Variants in TMEM132B observed in about 807,000 individuals in gnomAD.
TMEM132B encodes transmembrane protein 132B.
Under a neutral mutation model 90.8 loss-of-function variants are expected in TMEM132B, and 18 were observed. The observed-to-expected ratio is 0.20, with a 90% CI of 0.14 to 0.29. The LOEUF (loss-of-function observed/expected upper bound fraction) is 0.29, where lower values mean the gene tolerates loss of function less well. Among genes scored for constraint, TMEM132B ranks in the 10% least tolerant of loss-of-function variants. TMEM132B has a pLI of 1.00. For synonymous variants in TMEM132B, 504 were observed against 523.3 expected, an observed-to-expected ratio of 0.96 and a Z score of 0.50; for missense variants, 1,096 against 1,326.8, an observed-to-expected ratio of 0.83 and a Z score of 2.70.
At position 125,496,297 on chromosome 12, in the gene TMEM132B, G is replaced by A. The variant is rs1032910380; in HGVS notation, c.1107-23142G>A. ...TTCTGGAAAGATTAGGCTACCAATG[G>A]AAGAAAGTACTAGGCTTTAAGAAAG... is the stretch of plus-strand genomic sequence containing the variant. On this transcript the variant is annotated intron_variant, in intron 3 of 8. Transcript: ENST00000682704. Among the ~76,000 whole-genome samples, 10 of 152,106 alleles carry A rather than the reference G, an allele frequency of 6.6e-5. No individual in the cohort carries two copies. The South Asian group carries it at 1.2e-3, about 19-fold the overall frequency.
At chr12:125,229,327 A>G (rs1565979448) in intron 1 of TMEM132B, among the ~76,000 whole-genome samples, 1 of 152,148 alleles carries the variant, frequency 6.6e-6, no homozygotes, top group Non-Finnish European at 1.5e-5. Context: ...GCACTTTACT[A>G]CATTAGAGCA....
At chr12:125,624,382 A>G (rs1886179946) in intron 5 of TMEM132B, among the ~76,000 whole-genome samples, 1 of 152,136 alleles carries the variant, frequency 6.6e-6, no homozygotes, top group Admixed American at 6.5e-5. Context: ...CCATTCTTGC[A>G]TGTCTACAAT....
intron 1 of TMEM132B, among the ~76,000 whole-genome samples, chr12:125,196,713 G>T (rs1431342204): frequency 2.0e-5 from 3 of 152,140 alleles, no homozygotes; most frequent in Non-Finnish European, 4.4e-5. Flanking sequence ...GTCACAAAAA[G>T]AAACAAAACA....
At chr12:125,276,591 T>A (rs1340498803) in intron 1 of TMEM132B, among the ~76,000 whole-genome samples, 4 of 152,162 alleles carry the variant, frequency 2.6e-5, no homozygotes, top group Admixed American at 1.3e-4. Context: ...GAGAGGATGC[T>A]TTTTCTCCAT....
intron 3 of TMEM132B, among the ~76,000 whole-genome samples, chr12:125,453,076 AACACACACAC>A (rs60350192): frequency 0.072 from 10,309 of 143,750 alleles, 943 homozygotes; most frequent in African/African-American, 0.22. Flanking sequence ...ATTTCAGTAA[AACACACACAC>A]ACACACACAC....
chr12:125,588,532 T>C (rs963393140), intron 5 of TMEM132B: 1 of 152,214 alleles, frequency 6.6e-6, no homozygotes. Context: ...TTTTCCGTGT[T>C]GCCTAGGCTG....
At chr12:125,396,118 A>G (rs1879161768) in intron 2 of TMEM132B, among the ~76,000 whole-genome samples, 1 of 152,200 alleles carries the variant, frequency 6.6e-6, no homozygotes, top group South Asian at 2.1e-4. Flanking sequence ...AACTACCTGG[A>G]CTGAGTGTGA....
At chr12:125,351,300 G>A (rs576231997) in intron 2 of TMEM132B, among the ~76,000 whole-genome samples, 1 of 152,298 alleles carries the variant, frequency 6.6e-6, no homozygotes. Flanking sequence ...TAGCCCAGGG[G>A]TCATGGTTTG....
At chr12:125,592,973 T>A (rs908115075) in intron 5 of TMEM132B, among the ~76,000 whole-genome samples, 1 of 152,248 alleles carries the variant, frequency 6.6e-6, no homozygotes, top group African/African-American at 2.4e-5. Context: ...ATCCGAATTT[T>A]ACTTAGAAGA....
At chr12:125,603,197 C>T (rs1420755452) in intron 5 of TMEM132B, among the ~76,000 whole-genome samples, 1 of 152,156 alleles carries the variant, frequency 6.6e-6, no homozygotes, top group Non-Finnish European at 1.5e-5. Flanking sequence ...TGCTACCTGA[C>T]TTCAAATTAT....
chr12:125,433,225 A>G (rs1167094237), intron 3 of TMEM132B, among the ~76,000 whole-genome samples: 1 of 152,160 alleles, frequency 6.6e-6, no homozygotes, highest in African/African-American at 2.4e-5. Flanking sequence ...AGATCACCAT[A>G]TCCTTCATTA....
At position 125,559,057 on chromosome 12, in the gene TMEM132B, T is replaced by C. The variant is rs12313446; in HGVS notation, c.1294-24794T>C. Among the ~76,000 whole-genome samples the C allele has an allele frequency of 7.8e-3, 1,189 of 152,348 alleles. 19 individuals carry two copies. Among genetic ancestry groups the C allele is most frequent in the African/African-American group, 0.027 (1,133 of 41,584 alleles). ...TTTTTAGATGATAAAGTTGAGTCTT[T>C]GAGAAAATCAGTTCCTTATGCAAGT... is the stretch of plus-strand genomic sequence containing the variant. On this transcript the variant is annotated intron_variant, in intron 4 of 8. Transcript: ENST00000682704.
At chr12:125,376,141 T>G (rs1014255170) in intron 2 of TMEM132B, among the ~76,000 whole-genome samples, 1 of 152,218 alleles carries the variant, frequency 6.6e-6, no homozygotes, top group Non-Finnish European at 1.5e-5. Context: ...GATGGCTTGT[T>G]TTTGTTTTAA....
At chr12:125,218,149 A>T (rs568579188) in intron 1 of TMEM132B, among the ~76,000 whole-genome samples, 13 of 152,286 alleles carry the variant, frequency 8.5e-5, no homozygotes, top group Admixed American at 7.2e-4. Context: ...AAGGAGTCCT[A>T]TAAGACTGGG....
intron 4 of TMEM132B, among the ~76,000 whole-genome samples, chr12:125,525,837 T>A (rs1181069258): frequency 6.6e-6 from 1 of 152,178 alleles, no homozygotes; most frequent in Non-Finnish European, 1.5e-5. Flanking sequence ...GTTGGACCCC[T>A]CCACAGTCCC....
intron 4 of TMEM132B, among the ~76,000 whole-genome samples, chr12:125,532,867 G>A (rs1883682704): frequency 6.6e-6 from 1 of 152,140 alleles, no homozygotes; most frequent in South Asian, 2.1e-4. Flanking sequence ...ACAAGTCACT[G>A]TTGACAGCGA....
intron 3 of TMEM132B, among the ~76,000 whole-genome samples, chr12:125,448,762 T>C (rs1417239245): frequency 6.6e-6 from 1 of 152,156 alleles, no homozygotes; most frequent in Non-Finnish European, 1.5e-5. Flanking sequence ...TTTTTCAAAG[T>C]GATTGTATGA....
intron 3 of TMEM132B, among the ~76,000 whole-genome samples, chr12:125,429,220 G>A (rs1880424059): frequency 6.9e-6 from 1 of 145,970 alleles, no homozygotes; most frequent in African/African-American, 2.6e-5. Flanking sequence ...TTTTTTTCAA[G>A]AGGGAGTCTC....
chr12:125,481,557 A>T (rs1593167615), intron 3 of TMEM132B, among the ~76,000 whole-genome samples: 1 of 152,226 alleles, frequency 6.6e-6, no homozygotes, highest in East Asian at 1.9e-4. Flanking sequence ...GATGTGAAGG[A>T]TCTCTTCAAG....
Sources: allele counts gnomAD v4.1 joint callset (sites outside exome capture counted in the v4.1 genomes callset), GRCh38; gene constraint gnomAD v4.1.1; transcripts MANE v1.5; gene names NCBI Gene and HGNC (gene_info 2026-07-23, HGNC 2026-07-21).